ERC1: variants seen among roughly 807,000 people sequenced by gnomAD.
ERC1 encodes the protein ELKS/RAB6-interacting/CAST family member 1.
In ERC1, 56 loss-of-function variants were observed where a neutral mutation model predicts 132.0. The observed-to-expected ratio is 0.42, with a 90% CI of 0.34 to 0.53. The LOEUF (loss-of-function observed/expected upper bound fraction) is 0.53, where lower values mean the gene tolerates loss of function less well. Ranked by LOEUF, ERC1 falls within the 20% of genes least tolerant of loss-of-function variation. The pLI, the probability that ERC1 is intolerant of heterozygous loss-of-function variation, is 0.03. For missense variants in ERC1, 1,202 were observed against 1,349.9 expected (o/e 0.89, Z 1.72); for synonymous variants, 478 against 476.1 (o/e 1.00, Z -0.05).
At chr12:1,197,919 T>C (rs1956489672) in intron 12 of ERC1, among the ~76,000 whole-genome samples, 1 of 151,954 alleles carries the variant, frequency 6.6e-6, no homozygotes, top group Admixed American at 6.6e-5. Flanking sequence ...TTGTTTTGTT[T>C]TGTTTTGTTT....
intron 14 of ERC1, among the ~76,000 whole-genome samples, chr12:1,286,298 A>AC (rs1465962597): frequency 1.3e-5 from 2 of 151,194 alleles, no homozygotes; most frequent in African/African-American, 4.8e-5. Flanking sequence ...CATCTCAAAA[A>AC]AAAAAAAAAA....
intron 18 of ERC1, among the ~76,000 whole-genome samples, chr12:1,488,924 C>T (rs74545033): frequency 6.6e-6 from 1 of 152,114 alleles, no homozygotes; most frequent in Non-Finnish European, 1.5e-5. Flanking sequence ...ACCTGGGCTG[C>T]GAGCAGGAGC....
At chr12:1,236,931 G>C (rs1471619575) in intron 13 of ERC1, 27 bp downstream of exon 13, 2 of 1,612,282 alleles carry the variant, frequency 1.2e-6, no homozygotes, top group Admixed American at 3.3e-5. Flanking sequence ...AATCTGAAAG[G>C]ATCGGGTGAA....
At chr12:1,227,604 C>G (rs774880321) in intron 12 of ERC1, among the ~76,000 whole-genome samples, 7 of 152,120 alleles carry the variant, frequency 4.6e-5, no homozygotes, top group African/African-American at 1.7e-4. Flanking sequence ...TTTAAGTTGT[C>G]TCTTTACTCT....
intron 15 of ERC1, among the ~76,000 whole-genome samples, chr12:1,313,397 C>T (rs147659973): frequency 3.3e-5 from 5 of 152,156 alleles, no homozygotes; most frequent in African/African-American, 9.6e-5. Context: ...AATCCAGATT[C>T]CGTTAGTAAA....
intron 7 of ERC1, among the ~76,000 whole-genome samples, chr12:1,123,793 G>A (rs1248882511): frequency 2.6e-5 from 4 of 152,142 alleles, no homozygotes; most frequent in African/African-American, 7.2e-5. Context: ...TCAGGAGTTC[G>A]AGACCAGCCT....
intron 18 of ERC1, among the ~76,000 whole-genome samples, chr12:1,446,566 G>T (rs1166451673): frequency 1.3e-5 from 2 of 152,084 alleles, no homozygotes; most frequent in Admixed American, 1.3e-4. Context: ...AATATTGTTT[G>T]TTTACTCGTG....
intron 8 of ERC1, among the ~76,000 whole-genome samples, chr12:1,161,621 G>A (rs549216398): frequency 3.0e-4 from 46 of 152,048 alleles, no homozygotes; most frequent in Middle Eastern, 3.2e-3. Context: ...TTTCTCCTCT[G>A]TCCCAGAAGA....
intron 7 of ERC1, among the ~76,000 whole-genome samples, chr12:1,134,442 G>T (rs769967921): frequency 4.0e-5 from 6 of 151,804 alleles, no homozygotes; most frequent in Non-Finnish European, 7.4e-5. Flanking sequence ...GAACTCCTGG[G>T]CTCAAGCGAT....
chr12:1,260,066 T>C (rs1199197455), intron 13 of ERC1, among the ~76,000 whole-genome samples: 1 of 152,178 alleles, frequency 6.6e-6, no homozygotes, highest in Non-Finnish European at 1.5e-5. Flanking sequence ...GGATCCCACA[T>C]CTTCTTTCCA....
At chr12:1,177,898 G>A (rs547289860) in intron 8 of ERC1, among the ~76,000 whole-genome samples, 2 of 152,230 alleles carry the variant, frequency 1.3e-5, no homozygotes, top group South Asian at 2.1e-4. Context: ...ATTTTTGAGT[G>A]GCAAAATTCT....
intron 14 of ERC1, among the ~76,000 whole-genome samples, chr12:1,284,274 G>A (rs1296974922): frequency 1.7e-5 from 2 of 117,562 alleles, no homozygotes; most frequent in Non-Finnish European, 3.4e-5. Context: ...TCGTGTGTGT[G>A]TGTGTGTGTG....
chr12:1,246,187 A>G (rs1191830442), intron 13 of ERC1, among the ~76,000 whole-genome samples: 1 of 152,230 alleles, frequency 6.6e-6, no homozygotes, highest in Non-Finnish European at 1.5e-5. Context: ...AAAAATACAT[A>G]TGTACAAGGT....
chr12:1,350,083 A>C (rs967714465), intron 15 of ERC1, among the ~76,000 whole-genome samples: 2 of 152,180 alleles, frequency 1.3e-5, no homozygotes, highest in African/African-American at 4.8e-5. Flanking sequence ...TGAGGGAAAA[A>C]TTCATCATGG....
chr12:1,490,830 G>A lies in ERC1; in HGVS notation c.*600G>A, dbSNP rs577663884. The A allele has an allele frequency of 5.6e-5, 13 of 233,262 alleles. No individual in the cohort carries two copies. Among genetic ancestry groups the A allele is most frequent in the African/African-American group, 2.0e-4 (9 of 45,454 alleles). 14.4% of individuals were successfully genotyped at this position (233,262 alleles called of 1,614,324 possible). On this transcript the variant is annotated 3_prime_UTR_variant, in exon 19 of 19. Coordinates refer to ENST00000360905, the MANE Select transcript of ERC1 (RefSeq NM_178040.4). ...CCGGGGAGCTGTGAGCAGGCCTCAC[G>A]ATGGCTTGGGAGCACTCGTTCTCCC...
chr12:1,211,784 G>A (rs550965123), intron 12 of ERC1, among the ~76,000 whole-genome samples: 1 of 150,010 alleles, frequency 6.7e-6, no homozygotes, highest in South Asian at 2.1e-4. Context: ...TGGCCAGGCT[G>A]GTCTTAAACT....
chr12:1,102,485 C>T (rs1944778231), intron 3 of ERC1, among the ~76,000 whole-genome samples: 1 of 152,048 alleles, frequency 6.6e-6, no homozygotes, highest in South Asian at 2.1e-4. Flanking sequence ...GTGTAGCATG[C>T]TGTATGAGAA....
rs74868218 is a variant in ERC1 at position 1,217,054 on chromosome 12, A to T, written c.2352-19715A>T. Among the ~76,000 whole-genome samples the T allele has an allele frequency of 3.5e-3, 534 of 152,372 alleles. 7 individuals are homozygous for T. Among genetic ancestry groups the T allele is most frequent in the African/African-American group, 0.012 (499 of 41,584 alleles). Reference sequence around the variant, plus strand: ...AACAGAAATGGGTGCTTTGCTCCATAAAAGTGCTCCGTGCTTTCCTCTGTC... The same window carrying T: ...AACAGAAATGGGTGCTTTGCTCCATTAAAGTGCTCCGTGCTTTCCTCTGTC... On this transcript the variant is annotated intron_variant, in intron 12 of 18. Transcript: ENST00000360905.
chr12:1,188,918 A>G (rs1955411585), intron 11 of ERC1, among the ~76,000 whole-genome samples: 1 of 152,228 alleles, frequency 6.6e-6, no homozygotes, highest in African/African-American at 2.4e-5. Flanking sequence ...GGCTTTAGAG[A>G]TTCCAGAAGA....
Sources: allele counts gnomAD v4.1 joint callset (sites outside exome capture counted in the v4.1 genomes callset), GRCh38; gene constraint gnomAD v4.1.1; transcripts MANE v1.5; gene names NCBI Gene and HGNC (gene_info 2026-07-23, HGNC 2026-07-21).